The following TAF5L variants were observed in gnomAD, a reference collection of about 807,000 sequenced individuals.
TAF5L encodes TAF5-like RNA polymerase II p300/CBP-associated factor-associated factor 65 kDa subunit 5L.
TAF5L carries 7 observed loss-of-function variants against 51.3 expected under a neutral mutation model. The observed-to-expected ratio is 0.14, with a 90% CI of 0.08 to 0.26. TAF5L has a LOEUF of 0.26. Among genes scored for constraint, TAF5L ranks in the 10% least tolerant of loss-of-function variants. TAF5L has a pLI of 1.00. For synonymous variants in TAF5L, 291 were observed against 308.1 expected (o/e 0.94, Z 0.58); for missense variants, 575 against 758.9 (o/e 0.76, Z 2.85).
chr1:229,605,128 A>ATATATATATATATATATATATATT (rs1340196774), intron 3 of TAF5L, among the ~76,000 whole-genome samples: 4 of 145,096 alleles, frequency 2.8e-5, no homozygotes, highest in African/African-American at 1.0e-4. Flanking sequence ...ATATATATGT[A>ATATATATATATATATATATATATT]TTTTTTTTTT....
At chr1:229,613,499 A>G (rs552026825) in intron 2 of TAF5L, among the ~76,000 whole-genome samples, 10 of 152,250 alleles carry the variant, frequency 6.6e-5, no homozygotes, top group South Asian at 4.1e-4. Flanking sequence ...ATATTTGGGG[A>G]AAAAAACCAC....
At chr1:229,626,065 C>A (rs1665453601), upstream of TAF5L, 4 of 151,416 alleles carry the variant, frequency 2.6e-5, no homozygotes, top group Admixed American at 2.0e-4. Context: ...CTGACTGACA[C>A]GGAGCGGGCC....
At chr1:229,600,827 T>A in intron 4 of TAF5L, 1 of 985,290 alleles carries the variant, frequency 1.0e-6, no homozygotes, top group Non-Finnish European at 1.2e-6. Context: ...TTATCAGATG[T>A]CATAATGCTA....
rs554716132 is a variant in TAF5L at position 229,594,261 on chromosome 1, A to G, written c.*36T>C. On this transcript the variant is annotated 3_prime_UTR_variant, in exon 5 of 5. Coordinates refer to ENST00000258281, the Ensembl canonical transcript of TAF5L. This position sits in a 1 kb window ranked among gnomAD's most constrained non-coding sequence, Gnocchi z 7.9. ...GAAGGATTGCAACTGGAGGCTTTCC[A>G]CTGTTACCCCAGTCCGTTCCAACAA... 2.2e-5 allele frequency: 35 copies of G among 1,565,764 alleles called. No homozygotes were observed. The African/African-American group carries it at 3.7e-4, about 16-fold the overall frequency.
Position 229,602,896 on chromosome 1 carries a change from C to G in TAF5L, c.271G>C (p.Glu91Gln), listed in dbSNP as rs754798029. Residue 91 changes from glutamate to glutamine, a missense_variant, in exon 4 of 5, where the codon GAA becomes CAA. This residue lies in a region of TAF5L where 380 missense variants were observed against 443.7 expected (regional missense o/e 0.86). Transcript: ENST00000258281. This position sits in a 1 kb window ranked among gnomAD's most constrained non-coding sequence, Gnocchi z 4.6. Reference sequence around the variant, plus strand: ...AGAGGATAGAGGAGAGGCATCACTTCGTGGCTATGCTGGGAATCAGAATCT... The same window carrying G: ...AGAGGATAGAGGAGAGGCATCACTTGGTGGCTATGCTGGGAATCAGAATCT... 1.9e-6 allele frequency: 3 copies of G among 1,599,380 alleles called. No individual in the cohort carries two copies. In the South Asian group the frequency reaches 3.3e-5, roughly 18 times the overall value.
At chr1:229,613,168 C>CAAA (rs10649912) in intron 2 of TAF5L, among the ~76,000 whole-genome samples, 159 of 135,924 alleles carry the variant, frequency 1.2e-3, no homozygotes, top group South Asian at 1.9e-3. Flanking sequence ...GAATAACAAG[C>CAAA]AAAAAAAAAA....
chr1:229,594,419 C>T lies in TAF5L; in HGVS notation c.1648G>A (p.Gly550Ser), dbSNP rs914667368. The T allele has an allele frequency of 2.5e-6, 4 of 1,614,080 alleles. No individual in the cohort carries two copies. The highest frequency in any genetic ancestry group is 1.7e-5 in the Admixed American group (1 of 60,004). The stretch of plus-strand genomic sequence containing the variant: ...ACGCCCACGAGCTCGCTGGAGGAGC[C>T]GTCGGCAGGTGCACTGCAGTAAGTG... Residue 550 changes from glycine (G) to serine (S), a missense_variant, in exon 5 of 5, where the codon GGC becomes AGC. By Grantham distance (56) the Gly-to-Ser change is moderately conservative. Transcript: ENST00000258281. The surrounding 1 kb of genome is among the most constrained non-coding windows in gnomAD (Gnocchi z 7.9).
intron 1 of TAF5L, among the ~76,000 whole-genome samples, chr1:229,616,068 G>C: frequency 6.6e-6 from 1 of 152,122 alleles, no homozygotes; most frequent in East Asian, 1.9e-4. Context: ...AGACTGGAGT[G>C]CAATGGCATG....
chr1:229,620,954 T>TTG (rs1558155487), intron 1 of TAF5L, among the ~76,000 whole-genome samples: 1 of 112,012 alleles, frequency 8.9e-6, no homozygotes, highest in East Asian at 3.4e-4. Context: ...ATTAAAACAT[T>TTG]TATGTGTGTG....
At chr1:229,623,938 T>C (rs1391507375) in intron 1 of TAF5L, among the ~76,000 whole-genome samples, 1 of 152,194 alleles carries the variant, frequency 6.6e-6, no homozygotes, top group Non-Finnish European at 1.5e-5. Flanking sequence ...GAATGCTTAC[T>C]AGAAGCTTGC....
At chr1:229,601,791 C>A in intron 4 of TAF5L, 1 of 1,020,122 alleles carries the variant, frequency 9.8e-7, no homozygotes, top group African/African-American at 1.7e-5. Flanking sequence ...AAATAATATT[C>A]ATTACAGTTG....
chr1:229,597,894 G>A (rs1216509647), intron 4 of TAF5L, among the ~76,000 whole-genome samples: 1 of 152,082 alleles, frequency 6.6e-6, no homozygotes, highest in East Asian at 1.9e-4. Flanking sequence ...TCTGCTCCTG[G>A]ACTCTGAGGC....
chr1:229,603,513 T>A (rs553048256), intron 3 of TAF5L, among the ~76,000 whole-genome samples: 1 of 152,368 alleles, frequency 6.6e-6, no homozygotes, highest in East Asian at 1.9e-4. Context: ...AGTGGGCTCA[T>A]TAACATGTCT....
intron 1 of TAF5L, among the ~76,000 whole-genome samples, chr1:229,622,483 T>C (rs902469878): frequency 2.0e-5 from 3 of 152,218 alleles, no homozygotes; most frequent in Non-Finnish European, 4.4e-5. Flanking sequence ...AAGTGCTGTC[T>C]AAGCTTTGAG....
intron 1 of TAF5L, among the ~76,000 whole-genome samples, chr1:229,616,601 T>C (rs933113886): frequency 6.6e-6 from 1 of 152,172 alleles, no homozygotes; most frequent in East Asian, 1.9e-4. Context: ...CAAACAAATG[T>C]TTTGCCCAGT....
intron 2 of TAF5L, among the ~76,000 whole-genome samples, chr1:229,611,944 C>T (rs1664808329): frequency 6.6e-6 from 1 of 152,174 alleles, no homozygotes; most frequent in Non-Finnish European, 1.5e-5. Context: ...CCTTGGCTTG[C>T]CAGCCTAATT....
chr1:229,601,506 C>T (rs1265579961), intron 4 of TAF5L: 1 of 985,270 alleles, frequency 1.0e-6, no homozygotes, highest in African/African-American at 1.7e-5. Flanking sequence ...GACCTGAAAC[C>T]CAAGCTGCGC....
At chr1:229,593,866 C>G (rs1664012135) in exon 5 of TAF5L, 1 of 155,534 alleles carries the variant, frequency 6.4e-6, no homozygotes, top group Non-Finnish European at 1.4e-5. Context: ...CGCCCCACAT[C>G]CCTCTGCCAA....
intron 4 of TAF5L, chr1:229,599,062 C>T (rs1480558071): frequency 6.4e-6 from 1 of 155,790 alleles, no homozygotes; most frequent in Non-Finnish European, 1.4e-5. Flanking sequence ...CACTCTTCAT[C>T]TCAGTGTCTG....
Sources: gnomAD v4.1 joint callset for allele counts (sites outside exome capture counted in the v4.1 genomes callset) on GRCh38, gnomAD v4.1.1 for gene constraint, gnomAD v4.1.1 regional missense constraint, Gnocchi (gnomAD v3.1) non-coding constraint, MANE v1.5 for transcripts, NCBI Gene and HGNC (gene_info 2026-07-23, HGNC 2026-07-21) for gene names.